SLC34A1: variants seen among roughly 807,000 people sequenced by gnomAD.
SLC34A1 encodes sodium-dependent phosphate transport protein 2A.
SLC34A1 carries 57 observed loss-of-function variants against 51.4 expected under a neutral mutation model. That is an observed-to-expected ratio of 1.11 (90% CI 0.90 to 1.38). The LOEUF is 1.38. Among genes scored for constraint, SLC34A1 ranks in the 40% most tolerant of loss-of-function variants. The probability of loss-of-function intolerance (pLI) is 0.00; values close to 1 mark genes in which losing one functional copy is unlikely to be tolerated. For synonymous variants in SLC34A1, 368 were observed against 358.0 expected (o/e 1.03, Z -0.32); for missense variants, 796 against 835.6 (o/e 0.95, Z 0.58).
chr5:177,397,557 A>G (rs986586458), intron 12 of SLC34A1: 69 of 610,108 alleles, frequency 1.1e-4, no homozygotes, highest in Admixed American at 2.3e-4. Context: ...AAATGTGGGG[A>G]GCTCAGGGCA....
chr5:177,387,187 G>T (rs569776646), intron 5 of SLC34A1, among the ~76,000 whole-genome samples: 1 of 151,494 alleles, frequency 6.6e-6, no homozygotes, highest in African/African-American at 2.4e-5. Flanking sequence ...TGGCTAACAC[G>T]GTGAAACCCT....
rs748473775 is a variant in SLC34A1, at chr5:177,398,119, TC to T, written c.1756del (p.Leu586Ter). The T allele has an allele frequency of 6.2e-7, 1 of 1,611,436 alleles. No individual in the cohort carries two copies. Among genetic ancestry groups the T allele is most frequent in the Non-Finnish European group, 8.5e-7 (1 of 1,178,058 alleles). ...GGACTTCCTGCCTCGCTGGATGCAC[TC>T]CCTGAAGCCCCTGGACCACCTCATC... ...TWDFLPRWMH[S>X]LKPLDHLITR... On this transcript the variant is annotated frameshift_variant, in exon 13 of 13. Transcript: ENST00000324417. LOFTEE classifies it high-confidence loss of function. This position sits in a 1 kb window ranked among gnomAD's most constrained non-coding sequence, Gnocchi z 4.7.
Position 177,386,393 on chromosome 5 carries a change from C to G in SLC34A1, c.389-30C>G. 4.3e-6 allele frequency: 7 copies of G among 1,614,238 alleles called. No homozygotes were observed. The highest frequency in any genetic ancestry group is 8.5e-7 in the Non-Finnish European group (1 of 1,180,050). Reference sequence around the variant, plus strand: ...AGACCTGGGAGGGGTTCCTGAAGGGCCTTGGACAACGCTGGCTCATGCTCC... The same window carrying G: ...AGACCTGGGAGGGGTTCCTGAAGGGGCTTGGACAACGCTGGCTCATGCTCC... On this transcript the variant is annotated intron_variant, in intron 4 of 12. Transcript: ENST00000324417. This position sits in a 1 kb window ranked among gnomAD's most constrained non-coding sequence, Gnocchi z 4.8.
chr5:177,387,980 G>A lies in SLC34A1; in HGVS notation c.645-14G>A, dbSNP rs1200264977. 1.9e-6 allele frequency: 3 copies of A among 1,611,972 alleles called. No individual in the cohort carries two copies. Among genetic ancestry groups the A allele is most frequent in the Non-Finnish European group, 8.5e-7 (1 of 1,178,738 alleles). ...TGGCTCGAGCCTGCCTTGCAATGTGGCCTCCCTGCCCAGGGCCTTCGCGGG... is the reference window on the plus strand; with the variant it reads ...TGGCTCGAGCCTGCCTTGCAATGTGACCTCCCTGCCCAGGGCCTTCGCGGG... On this transcript the variant is annotated splice_polypyrimidine_tract_variant and intron_variant, in intron 6 of 12. Coordinates refer to ENST00000324417, the MANE Select transcript of SLC34A1 (RefSeq NM_003052.5).
intron 8 of SLC34A1, chr5:177,390,204 A>C: frequency 1.0e-6 from 1 of 997,176 alleles, no homozygotes; most frequent in Non-Finnish European, 1.2e-6. Context: ...GCTATGCACC[A>C]GGGAGAGGAG....
intron 5 of SLC34A1, among the ~76,000 whole-genome samples, chr5:177,387,489 G>A (rs895342904): frequency 2.6e-5 from 4 of 152,288 alleles, no homozygotes; most frequent in East Asian, 1.9e-4. Flanking sequence ...ATGAGCCCAC[G>A]AGCCCTCATA....
In SLC34A1 at chr5:177,394,296, T is replaced by G. The variant is rs1762892956; in HGVS notation, c.1174+101T>G. ...TGATCTGGGTAAACCCTACCATCTC[T>G]GAGACTCAGTTTCCCGATGTGAACA... On this transcript the variant is annotated intron_variant, in intron 10 of 12. Coordinates refer to ENST00000324417, the MANE Select transcript of SLC34A1 (RefSeq NM_003052.5). 101 of 1,271,576 alleles carry G rather than the reference T, an allele frequency of 7.9e-5. 6 individuals carry two copies. In the South Asian group the frequency reaches 1.2e-3, roughly 15 times the overall value. The allele number at this position is 1,271,576 out of a possible 1,614,324, so 78.8% of individuals were successfully genotyped here.
At chr5:177,389,952 A>G in intron 8 of SLC34A1, 1 of 1,401,702 alleles carries the variant, frequency 7.1e-7, no homozygotes, top group Non-Finnish European at 9.3e-7. Context: ...CTCGGCTTGG[A>G]GAGTAGCTGG....
Position 177,396,937 on chromosome 5 carries a change from CCT to C in SLC34A1, c.1292-10_1292-9del, listed in dbSNP as rs1162526955. ...GACGCTGGGGGTCCCACTTCCTCTC[CCT>C]CTGTCCCCAGGTCTTGGTGTGATCA... On this transcript the variant is annotated splice_polypyrimidine_tract_variant and intron_variant, in intron 11 of 12. Coordinates refer to ENST00000324417, the MANE Select transcript of SLC34A1 (RefSeq NM_003052.5). This position sits in a 1 kb window ranked among gnomAD's most constrained non-coding sequence, Gnocchi z 4.0. The C allele has an allele frequency of 6.8e-6, 11 of 1,614,050 alleles. No homozygotes were observed. The African/African-American group carries it at 1.5e-4, about 22-fold the overall frequency.
intron 1 of SLC34A1, among the ~76,000 whole-genome samples, chr5:177,385,234 A>G (rs1036282091): frequency 1.1e-4 from 16 of 152,234 alleles, no homozygotes; most frequent in Non-Finnish European, 2.1e-4. Flanking sequence ...GCCCCAGCCC[A>G]CACCTGCAGC....
At chr5:177,385,547 T>C in intron 1 of SLC34A1, 148 bp from the exon 2 acceptor site, 2 of 646,206 alleles carry the variant, frequency 3.1e-6, no homozygotes, top group Middle Eastern at 4.0e-4. Flanking sequence ...TGTGTGTTTG[T>C]GCGTGTGAGT....
intron 1 of SLC34A1, among the ~76,000 whole-genome samples, chr5:177,385,295 G>C (rs1373596211): frequency 1.3e-5 from 2 of 152,180 alleles, no homozygotes. Flanking sequence ...AAACAGGCTG[G>C]GCGTCCTCAG....
At chr5:177,390,555 T>C in intron 8 of SLC34A1, 1 of 203,092 alleles carries the variant, frequency 4.9e-6, no homozygotes, top group Non-Finnish European at 8.7e-6. Context: ...GACATTCTAC[T>C]ATGTATGTCT....
chr5:177,398,433 G>A lies in SLC34A1; in HGVS notation c.*147G>A. ...TAGCTCCGCAAAGCTCTGGGCTTGT[G>A]TGAGAGTGTCGGTGTGTGTGCATGT... On this transcript the variant is annotated 3_prime_UTR_variant, in exon 13 of 13. Transcript: ENST00000324417. This position sits in a 1 kb window ranked among gnomAD's most constrained non-coding sequence, Gnocchi z 4.7. 3.2e-6 allele frequency: 3 copies of A among 940,114 alleles called. No homozygotes were observed. The highest frequency in any genetic ancestry group is 2.6e-5 in the South Asian group (2 of 76,106). The allele number at this position is 940,114 out of a possible 1,614,324, so 58.2% of individuals were successfully genotyped here.
intron 1 of SLC34A1, 102 bp from the exon 2 acceptor site, chr5:177,385,593 G>A: frequency 1.4e-6 from 1 of 697,446 alleles, no homozygotes; most frequent in Non-Finnish European, 2.6e-6. Flanking sequence ...AGGATGGAGG[G>A]TGTGCTTTGC....
rs1763040014 is a variant in SLC34A1, at chr5:177,398,301, C to T, written c.*15C>T. ...CCCGCCTCTAGGCTGTGGGCCCAGA[C>T]TACAGCCTGGAATGGGGAAGGCCTG... On this transcript the variant is annotated 3_prime_UTR_variant, in exon 13 of 13. Coordinates refer to ENST00000324417, the MANE Select transcript of SLC34A1 (RefSeq NM_003052.5). The surrounding 1 kb of genome is among the most constrained non-coding windows in gnomAD (Gnocchi z 4.7). The T allele has an allele frequency of 7.5e-6, 12 of 1,599,232 alleles. No homozygotes were observed. The highest frequency in any genetic ancestry group is 1.0e-5 in the Non-Finnish European group (12 of 1,179,926).
chr5:177,394,654 C>T (rs1762903007), intron 10 of SLC34A1, among the ~76,000 whole-genome samples: 1 of 150,774 alleles, frequency 6.6e-6, no homozygotes, highest in Non-Finnish European at 1.5e-5. Flanking sequence ...CCCAGGAGTC[C>T]AAGACCAGCT....
At chr5:177,385,915 A>C in intron 2 of SLC34A1, 65 bp downstream of exon 2, 1 of 1,609,480 alleles carries the variant, frequency 6.2e-7, no homozygotes, top group Non-Finnish European at 8.5e-7. Context: ...GGATGAGGCC[A>C]CTTCCCCCGC....
chr5:177,390,113 G>C (rs1193146295), intron 8 of SLC34A1: 2 of 1,086,390 alleles, frequency 1.8e-6, no homozygotes, highest in African/African-American at 3.3e-5. Context: ...GAGTCTCCCC[G>C]TGCTCCCTTC....
Sources: gnomAD v4.1 joint callset for allele counts (sites outside exome capture counted in the v4.1 genomes callset) on GRCh38, gnomAD v4.1.1 for gene constraint, Gnocchi (gnomAD v3.1) non-coding constraint, MANE v1.5 for transcripts, NCBI Gene and HGNC (gene_info 2026-07-23, HGNC 2026-07-21) for gene names.